TMEM231: variants seen among roughly 807,000 people sequenced by gnomAD.
TMEM231 encodes transmembrane protein 231.
TMEM231 carries 40 observed loss-of-function variants against 38.5 expected under a neutral mutation model. The ratio of observed to expected loss-of-function variants is 1.04; its 90% CI spans 0.81 to 1.35. TMEM231 has a LOEUF of 1.35. Among genes scored for constraint, TMEM231 ranks in the 40% most tolerant of loss-of-function variants. The probability of loss-of-function intolerance (pLI) is 0.00; values close to 1 mark genes in which losing one functional copy is unlikely to be tolerated. For synonymous variants in TMEM231, 199 were observed against 181.7 expected (o/e 1.10, Z -0.77); for missense variants, 420 against 416.9 (o/e 1.01, Z -0.07).
intron 2 of TMEM231, 130 bp downstream of exon 2, chr16:75,555,674 C>G: frequency 1.1e-6 from 1 of 930,828 alleles, no homozygotes; most frequent in Non-Finnish European, 1.5e-6. Context: ...GCCACCTTTG[C>G]GGGTTCGCGA....
Position 75,556,115 on chromosome 16 carries a change from G to A in TMEM231, c.95C>T (p.Ala32Val), listed in dbSNP as rs201181950. The A allele has an allele frequency of 2.9e-4, 451 of 1,570,908 alleles. 9 individuals carry two copies. In the African/African-American group the frequency reaches 4.4e-3, roughly 15 times the overall value. The part of the protein sequence containing the change: ...KAALFLLLAA[A>V]LTYIPPLLVA... ...CAGCAGCGGCGGGATGTACGTGAGCGCAGCGGCCAGCAGCAGGAACAGCGC... is the reference window on the plus strand; with the variant it reads ...CAGCAGCGGCGGGATGTACGTGAGCACAGCGGCCAGCAGCAGGAACAGCGC... Residue 32 changes from alanine (A) to valine (V), a missense_variant, in exon 1 of 7, where the codon GCG (alanine) becomes GTG (valine). Transcript: ENST00000258173.
chr16:75,545,171 G>A (rs2080672253), intron 4 of TMEM231, among the ~76,000 whole-genome samples, 181 bp downstream of exon 4: 1 of 151,824 alleles, frequency 6.6e-6, no homozygotes, highest in Non-Finnish European at 1.5e-5. Flanking sequence ...GGCCAGACTG[G>A]TTTCAAACTC....
Position 75,545,473 on chromosome 16 carries a change from T to C in TMEM231, c.461A>G (p.Gln154Arg). Residue 154 changes from glutamine to arginine, a missense_variant, in exon 4 of 7, where the codon CAG becomes CGG. Transcript: ENST00000258173. Reference protein sequence around the residue: ...RLHRMATLVMQSMAFLQSSFP... With the variant: ...RLHRMATLVMRSMAFLQSSFP... ...GGAGGACTGGAGAAACGCCATGCTC[T>C]GCATCACGAGGGTCGCCATCCTCTG... 6.3e-7 allele frequency: 1 copy of C among 1,581,184 alleles called. No individual in the cohort carries two copies. Among genetic ancestry groups the C allele is most frequent in the African/African-American group, 1.4e-5 (1 of 70,984 alleles).
intron 6 of TMEM231, among the ~76,000 whole-genome samples, chr16:75,540,976 T>C (rs1230588954): frequency 3.3e-5 from 5 of 152,288 alleles, no homozygotes; most frequent in African/African-American, 1.2e-4. Context: ...TAAGGAATCA[T>C]TCCTCTTTGA....
chr16:75,543,162 C>T (rs376924835), intron 4 of TMEM231, among the ~76,000 whole-genome samples: 13 of 151,796 alleles, frequency 8.6e-5, no homozygotes, highest in African/African-American at 3.2e-4. Context: ...GGCAGGAGGA[C>T]CACTTGAGGC....
intron 2 of TMEM231, among the ~76,000 whole-genome samples, chr16:75,552,603 G>T (rs1022276151): frequency 4.6e-5 from 7 of 152,116 alleles, no homozygotes; most frequent in Non-Finnish European, 1.0e-4. Flanking sequence ...CAATTCAGGG[G>T]TTAAAAAAAT....
In TMEM231 at chr16:75,542,567, G is replaced by A. The variant is rs749297519; in HGVS notation, c.664+35C>T. Reference sequence around the variant, plus strand: ...TGCCCCCACTAACCTTGAAAGTCCTGAGCAGCGGCTGAATGGGCTCTACCT... The same window carrying A: ...TGCCCCCACTAACCTTGAAAGTCCTAAGCAGCGGCTGAATGGGCTCTACCT... On this transcript the variant is annotated intron_variant, in intron 5 of 6. Transcript: ENST00000258173. The A allele has an allele frequency of 3.2e-6, 5 of 1,586,448 alleles. No individual in the cohort carries two copies. In the African/African-American group the frequency reaches 6.7e-5, roughly 21 times the overall value.
rs375718217 is a variant in TMEM231, at chr16:75,556,029, C to T, written c.139+42G>A. 268 of 1,567,698 alleles carry T rather than the reference C, an allele frequency of 1.7e-4. No individual in the cohort carries two copies. The highest frequency in any genetic ancestry group is 2.1e-4 in the Non-Finnish European group (241 of 1,156,806). On this transcript the variant is annotated intron_variant, in intron 1 of 6. Coordinates refer to ENST00000258173, the MANE Select transcript of TMEM231 (RefSeq NM_001077418.3). ...TAGGGAGGCCGGCCCTGGCCGAGCG[C>T]GCCCGGGGAGCCTCGTGGCACAGCG...
chr16:75,549,106 A>C (rs1490610226), intron 2 of TMEM231, among the ~76,000 whole-genome samples: 5 of 152,150 alleles, frequency 3.3e-5, no homozygotes, highest in African/African-American at 9.7e-5. Context: ...TTCGATGGAA[A>C]GGATGTGTCT....
At chr16:75,549,563 C>T (rs1301293236) in intron 2 of TMEM231, among the ~76,000 whole-genome samples, 1 of 152,172 alleles carries the variant, frequency 6.6e-6, no homozygotes, top group Non-Finnish European at 1.5e-5. Flanking sequence ...GGACAAGGAT[C>T]TTGGTTTGCT....
At chr16:75,550,152 T>C (rs930379715) in intron 2 of TMEM231, among the ~76,000 whole-genome samples, 8 of 151,898 alleles carry the variant, frequency 5.3e-5, no homozygotes, top group Non-Finnish European at 8.8e-5. Flanking sequence ...GGGAAGCGGG[T>C]GGGACTGATA....
At chr16:75,552,297 T>C (rs1250213333) in intron 2 of TMEM231, among the ~76,000 whole-genome samples, 6 of 151,824 alleles carry the variant, frequency 4.0e-5, no homozygotes, top group Admixed American at 2.0e-4. Flanking sequence ...ATACTAAAAA[T>C]ACAAAAATGA....
At position 75,541,415 on chromosome 16, in the gene TMEM231, C is replaced by T. The variant is rs753867687; in HGVS notation, c.705G>A (p.Val235=). ...CAAATGGAGCATCTGCGGCCCTGCCCACCAGCCAGATGGGGTTGGGATCAT... is the reference window on the plus strand; with the variant it reads ...CAAATGGAGCATCTGCGGCCCTGCCTACCAGCCAGATGGGGTTGGGATCAT... The part of the protein sequence containing the change: ...VLNDPNPIWL[V]GRAADAPFVI... The change falls in exon 6 of 7, where the codon GTG becomes GTA. Residue 235 remains valine (V), a synonymous_variant. Coordinates refer to ENST00000258173, the MANE Select transcript of TMEM231 (RefSeq NM_001077418.3). 3 of 1,612,308 alleles carry T rather than the reference C, an allele frequency of 1.9e-6. No homozygotes were observed. The highest frequency in any genetic ancestry group is 1.1e-5 in the South Asian group (1 of 90,798).
At chr16:75,549,524 A>T (rs2080731434) in intron 2 of TMEM231, among the ~76,000 whole-genome samples, 1 of 152,188 alleles carries the variant, frequency 6.6e-6, no homozygotes, top group Admixed American at 6.5e-5. Flanking sequence ...TATGAAACCC[A>T]GTGACAGAAT....
chr16:75,547,016 A>G (rs1283122940), intron 2 of TMEM231, among the ~76,000 whole-genome samples: 2 of 152,214 alleles, frequency 1.3e-5, no homozygotes, highest in Non-Finnish European at 2.9e-5. Context: ...GCAGTGAAAA[A>G]AAACTGGTAT....
Position 75,544,401 on chromosome 16 carries a change from G to C in TMEM231, c.582+951C>G, listed in dbSNP as rs562782808. ...CGATAAGCCACATGGATGCCTGGCA[G>C]AGGAAATGGCAAAAGCAAAAGCCCT... On this transcript the variant is annotated intron_variant, in intron 4 of 6. Transcript: ENST00000258173. Among the ~76,000 whole-genome samples the C allele has an allele frequency of 1.1e-4, 17 of 152,292 alleles. No homozygotes were observed. The East Asian group carries it at 3.3e-3, about 29-fold the overall frequency.
rs2080604804 is a variant in TMEM231, at chr16:75,540,127, T to C, written c.818A>G (p.Tyr273Cys). The change falls in exon 7 of 7, where the codon TAT becomes TGT. Residue 273 changes from tyrosine to cysteine, a missense_variant. By Grantham distance (194) the Tyr-to-Cys change is radical. Coordinates refer to ENST00000258173, the MANE Select transcript of TMEM231 (RefSeq NM_001077418.3). ...WEMVKFAWVQ[Y>C]VSILLIFLWV... The stretch of plus-strand genomic sequence containing the variant: ...GAGGAAGATAAGCAGGATGCTGACA[T>C]ACTGCACCCAGGCGAACTTTACCAT... 2.5e-6 allele frequency: 4 copies of C among 1,613,888 alleles called. No homozygotes were observed. Among genetic ancestry groups the C allele is most frequent in the South Asian group, 1.1e-5 (1 of 91,036 alleles).
chr16:75,550,334 G>T (rs1321483721), intron 2 of TMEM231, among the ~76,000 whole-genome samples: 1 of 152,202 alleles, frequency 6.6e-6, no homozygotes, highest in Non-Finnish European at 1.5e-5. Flanking sequence ...GGTTGTCCCT[G>T]TTTGTGGCAT....
intron 2 of TMEM231, 84 bp from the exon 3 acceptor site, chr16:75,546,038 C>A: frequency 1.3e-6 from 2 of 1,559,978 alleles, no homozygotes; most frequent in Non-Finnish European, 1.7e-6. Flanking sequence ...TACACAATGA[C>A]CCACTGTCTT....
Sources: gnomAD v4.1 joint callset for allele counts (sites outside exome capture counted in the v4.1 genomes callset) on GRCh38, gnomAD v4.1.1 for gene constraint, MANE v1.5 for transcripts, NCBI Gene and HGNC (gene_info 2026-07-23, HGNC 2026-07-21) for gene names.